CNTNAP3B: variants seen among roughly 807,000 people sequenced by gnomAD.
CNTNAP3B encodes the protein contactin-associated protein-like 3B.
A neutral mutation model predicts 108.9 loss-of-function variants in CNTNAP3B; 25 were observed. The observed-to-expected ratio is 0.23, with a 90% CI of 0.17 to 0.32. CNTNAP3B has a LOEUF of 0.32. Ranked by LOEUF, CNTNAP3B falls within the 10% of genes least tolerant of loss-of-function variation. The pLI, the probability that CNTNAP3B is intolerant of heterozygous loss-of-function variation, is 1.00. For synonymous variants in CNTNAP3B, 103 were observed against 473.4 expected (o/e 0.22, Z 10.16); for missense variants, 252 against 1,210.4 (o/e 0.21, Z 11.75).
intron 14 of CNTNAP3B, among the ~76,000 whole-genome samples, chr9:41,929,887 A>T (rs4492428): frequency 0.08 from 11,132 of 139,034 alleles, 84 homozygotes; most frequent in Middle Eastern, 0.11. Flanking sequence ...GATTTCACCC[A>T]AAGCAAGAGG....
rs1825572777 is a variant in CNTNAP3B, at chr9:41,979,025, C to T, written c.1477+7143G>A. Among the ~76,000 whole-genome samples, 2 of 138,768 alleles carry T rather than the reference C, an allele frequency of 1.4e-5. 1 individual carries two copies. The highest frequency in any genetic ancestry group is 1.4e-4 in the Admixed American group (2 of 14,036). 91.0% of individuals were successfully genotyped at this position (138,768 alleles called of 152,430 possible). On this transcript the variant is annotated intron_variant, in intron 9 of 23. Transcript: ENST00000377561. ...GGTAAGGTCTGGGTCGGGTTCATCCCCAGGTGGGATGTGGGGTCAGGGAGG... is the reference window on the plus strand; with the variant it reads ...GGTAAGGTCTGGGTCGGGTTCATCCTCAGGTGGGATGTGGGGTCAGGGAGG...
At chr9:41,935,297 G>A (rs1824122691) in intron 14 of CNTNAP3B, among the ~76,000 whole-genome samples, 2 of 152,082 alleles carry the variant, frequency 1.3e-5, no homozygotes, top group South Asian at 4.1e-4. Flanking sequence ...ATGGAAAAAT[G>A]GCGATGGTTT....
chr9:41,945,422 A>G (rs1390620129), intron 13 of CNTNAP3B, among the ~76,000 whole-genome samples: 1 of 152,306 alleles, frequency 6.6e-6, no homozygotes, highest in East Asian at 1.9e-4. Context: ...TATACCATGG[A>G]ATACTATGCA....
intron 10 of CNTNAP3B, among the ~76,000 whole-genome samples, chr9:41,969,866 C>T (rs1175724737): frequency 1.4e-5 from 2 of 144,036 alleles, no homozygotes; most frequent in East Asian, 2.1e-4. Context: ...TCTCGTGATC[C>T]GCCAGCCTCA....
chr9:41,915,837 A>G (rs1823502845), intron 18 of CNTNAP3B, among the ~76,000 whole-genome samples: 1 of 151,142 alleles, frequency 6.6e-6, no homozygotes, highest in Non-Finnish European at 1.5e-5. Context: ...GATAAATCCT[A>G]CTAGGTTTTG....
At chr9:42,044,340 G>T (rs560011619) in intron 3 of CNTNAP3B, among the ~76,000 whole-genome samples, 909 of 150,940 alleles carry the variant, frequency 6.0e-3, no homozygotes, top group African/African-American at 0.022. Context: ...CATCCACCAG[G>T]GATTTGGGGA....
chr9:41,943,736 A>G (rs1195948899), intron 13 of CNTNAP3B, among the ~76,000 whole-genome samples: 512 of 151,194 alleles, frequency 3.4e-3, no homozygotes, highest in African/African-American at 0.011. Context: ...GAGAACCAGA[A>G]GAAATATTTA....
At chr9:42,032,845 T>C (rs1826546032) in intron 3 of CNTNAP3B, among the ~76,000 whole-genome samples, 1 of 134,430 alleles carries the variant, frequency 7.4e-6, no homozygotes, top group Admixed American at 7.5e-5. Flanking sequence ...ACGACCACCT[T>C]CTCACTGTGT....
chr9:41,964,965 G>T (rs1825224467), intron 10 of CNTNAP3B, among the ~76,000 whole-genome samples: 2 of 152,256 alleles, frequency 1.3e-5, no homozygotes, highest in South Asian at 2.1e-4. Flanking sequence ...AATATGGCAT[G>T]CTCAGTTACT....
intron 15 of CNTNAP3B, among the ~76,000 whole-genome samples, chr9:41,924,518 C>G (rs1209949827): frequency 6.6e-6 from 1 of 152,288 alleles, no homozygotes; most frequent in African/African-American, 2.4e-5. Flanking sequence ...GAAGCAGGTT[C>G]GAGCAGCAGC....
At chr9:41,983,059 G>A (rs2118317979) in intron 9 of CNTNAP3B, among the ~76,000 whole-genome samples, 1 of 123,510 alleles carries the variant, frequency 8.1e-6, no homozygotes, top group South Asian at 2.8e-4. Context: ...GGTGGGAGGA[G>A]GGTGAAGATC....
In CNTNAP3B at chr9:42,119,401, T is replaced by A. The variant is rs1177501719; in HGVS notation, c.85+9609A>T. Among the ~76,000 whole-genome samples the A allele has an allele frequency of 1.3e-4, 17 of 133,410 alleles. 3 individuals are homozygous for A. Among genetic ancestry groups the A allele is most frequent in the Middle Eastern group, 3.6e-3 (1 of 278 alleles). The allele number at this position is 133,410 out of a possible 152,430, so 87.5% of individuals were successfully genotyped here. A position where few individuals can be genotyped will look rare whatever the true frequency, so the allele number is the denominator to read the frequency against. Reference sequence around the variant, plus strand: ...ATCAGTATCATGAAAATGGCCATACTGCCCAAGGTAATTTATAGATTCAAT... The same window carrying A: ...ATCAGTATCATGAAAATGGCCATACAGCCCAAGGTAATTTATAGATTCAAT... On this transcript the variant is annotated intron_variant, in intron 1 of 23. Transcript: ENST00000377561.
At chr9:42,041,752 G>A (rs1018250569) in intron 3 of CNTNAP3B, among the ~76,000 whole-genome samples, 2 of 138,800 alleles carry the variant, frequency 1.4e-5, no homozygotes, top group Non-Finnish European at 1.5e-5. Flanking sequence ...ATACCCAGAG[G>A]ATTATAAATC....
At chr9:41,957,749 T>C (rs573238548) in intron 12 of CNTNAP3B, among the ~76,000 whole-genome samples, 1 of 152,402 alleles carries the variant, frequency 6.6e-6, no homozygotes, top group South Asian at 2.1e-4. Flanking sequence ...GGTTTTTGTT[T>C]GTTTGTTTTG....
At chr9:41,935,785 G>T (rs1395144254) in intron 14 of CNTNAP3B, among the ~76,000 whole-genome samples, 1 of 152,276 alleles carries the variant, frequency 6.6e-6, no homozygotes. Flanking sequence ...TGTAGGAGGG[G>T]AGTTAATTTT....
chr9:42,086,176 G>A (rs1827698853), intron 2 of CNTNAP3B, among the ~76,000 whole-genome samples: 1 of 142,126 alleles, frequency 7.0e-6, no homozygotes, highest in Admixed American at 7.0e-5. Context: ...AGCAAAAGGG[G>A]GTCCCCCTTA....
chr9:42,094,745 A>G (rs1481209732), intron 2 of CNTNAP3B, among the ~76,000 whole-genome samples: 1 of 71,918 alleles, frequency 1.4e-5, no homozygotes, highest in African/African-American at 5.1e-5. Flanking sequence ...AGGAGGAGGA[A>G]GGGAGGGAGG....
chr9:42,115,350 C>T (rs1350710734), intron 1 of CNTNAP3B, among the ~76,000 whole-genome samples: 1 of 132,920 alleles, frequency 7.5e-6, no homozygotes, highest in Non-Finnish European at 1.6e-5. Context: ...TCCGACTGAG[C>T]TTTGGTGACA....
Position 41,972,936 on chromosome 9 carries a change from C to CTT in CNTNAP3B, c.1478-2693_1478-2692dup, listed in dbSNP as rs1212724871. On this transcript the variant is annotated intron_variant, in intron 9 of 23. Transcript: ENST00000377561. ...TTTCCTGACACATAACTTAGGTTAT[C>CTT]TTTTTTTTTTTTTTTTTTGAGACCT... is the stretch of plus-strand genomic sequence containing the variant. Among the ~76,000 whole-genome samples, 130 of 47,796 alleles carry CTT rather than the reference C, an allele frequency of 2.7e-3. 3 individuals are homozygous for CTT. Among genetic ancestry groups the CTT allele is most frequent in the Middle Eastern group, 7.9e-3 (1 of 126 alleles). 31.4% of individuals were successfully genotyped at this position (47,796 alleles called of 152,430 possible). A position where few individuals can be genotyped will look rare whatever the true frequency, so the allele number is the denominator to read the frequency against.
Sources: gnomAD v4.1 joint callset for allele counts (sites outside exome capture counted in the v4.1 genomes callset) on GRCh38, gnomAD v4.1.1 for gene constraint, MANE v1.5 for transcripts, NCBI Gene and HGNC (gene_info 2026-07-23, HGNC 2026-07-21) for gene names.